SPAST: variants seen among roughly 807,000 people sequenced by gnomAD.
The protein encoded by SPAST is spastic paraplegia 4 (autosomal dominant; spastin).
Under a neutral mutation model 76.6 loss-of-function variants are expected in SPAST, and 30 were observed. That is an observed-to-expected ratio of 0.39 (90% confidence interval 0.29 to 0.53). The LOEUF (loss-of-function observed/expected upper bound fraction) is 0.53. Ranked by LOEUF, SPAST falls within the 20% of genes least tolerant of loss-of-function variation. SPAST has a pLI of 0.68. For missense variants in SPAST, 717 were observed against 770.5 expected (o/e 0.93, Z 0.82); for synonymous variants, 305 against 281.0 (o/e 1.09, Z -0.86).
chr2:32,069,573 T>C (rs1676665319), intron 1 of SPAST, among the ~76,000 whole-genome samples: 1 of 151,734 alleles, frequency 6.6e-6, no homozygotes, highest in Non-Finnish European at 1.5e-5. Flanking sequence ...TTTTTCTTTT[T>C]TGAGACAGAG....
intron 9 of SPAST, among the ~76,000 whole-genome samples, chr2:32,132,744 C>G (rs1679412109): frequency 6.6e-6 from 1 of 152,096 alleles, no homozygotes; most frequent in African/African-American, 2.4e-5. Context: ...CGCAGTGGCT[C>G]ACACCTGTGA....
chr2:32,119,797 A>T (rs1490331042), intron 7 of SPAST, among the ~76,000 whole-genome samples: 2 of 152,168 alleles, frequency 1.3e-5, no homozygotes, highest in Admixed American at 1.3e-4. Flanking sequence ...ATCTGTCTAA[A>T]TATTTTTCTC....
intron 1 of SPAST, among the ~76,000 whole-genome samples, chr2:32,067,057 A>AT (rs954783788): frequency 2.0e-5 from 3 of 151,284 alleles, no homozygotes; most frequent in African/African-American, 7.3e-5. Flanking sequence ...ATGCAAGGAA[A>AT]TTTTTTTTAT....
chr2:32,137,100 T>C lies in SPAST; in HGVS notation c.1414-9T>C, dbSNP rs752479378. On this transcript the variant is annotated splice_polypyrimidine_tract_variant and intron_variant, in intron 11 of 16. Transcript: ENST00000315285. The stretch of plus-strand genomic sequence containing the variant: ...CTAAATGAATTGAAAAAAGATTTTT[T>C]GCTTGTAGGTACAGTCTGCTGGAGA... The C allele has an allele frequency of 1.9e-6, 3 of 1,612,260 alleles. No homozygotes were observed. The highest frequency in any genetic ancestry group is 2.5e-6 in the Non-Finnish European group (3 of 1,178,358).
chr2:32,108,703 A>G (rs1184405638), intron 4 of SPAST, among the ~76,000 whole-genome samples: 1 of 147,926 alleles, frequency 6.8e-6, no homozygotes, highest in Non-Finnish European at 1.5e-5. Context: ...CTGCCGCCTC[A>G]GACTCCCAGA....
intron 5 of SPAST, 131 bp downstream of exon 5, chr2:32,114,956 A>AGTT: frequency 1.8e-6 from 1 of 556,034 alleles, no homozygotes; most frequent in Non-Finnish European, 2.9e-6. Flanking sequence ...CATAAAGTTA[A>AGTT]ATTTTTTTTT....
intron 7 of SPAST, among the ~76,000 whole-genome samples, chr2:32,121,912 A>G (rs1009252112): frequency 6.6e-6 from 1 of 152,050 alleles, no homozygotes; most frequent in African/African-American, 2.4e-5. Flanking sequence ...TCTTTTGTTT[A>G]CTTTATTATC....
intron 12 of SPAST, among the ~76,000 whole-genome samples, chr2:32,139,215 A>T (rs1018039345): frequency 1.3e-5 from 2 of 152,170 alleles, no homozygotes; most frequent in African/African-American, 4.8e-5. Context: ...AGTTTGATAG[A>T]AATACCATTG....
chr2:32,117,944 T>G (rs1230439652), intron 7 of SPAST, among the ~76,000 whole-genome samples: 1 of 152,198 alleles, frequency 6.6e-6, no homozygotes, highest in Non-Finnish European at 1.5e-5. Context: ...TTATGACTTA[T>G]TAAGGAAGAT....
rs139607851 is a variant in SPAST at position 32,076,390 on chromosome 2, A to T, written c.416-11102A>T. Reference sequence around the variant, plus strand: ...ATCTTTTTACTAAATGTTTTATTAAATTTTTTTTTCTTGTAGACACAGGGT... The same window carrying T: ...ATCTTTTTACTAAATGTTTTATTAATTTTTTTTTTCTTGTAGACACAGGGT... On this transcript the variant is annotated intron_variant, in intron 1 of 16. Coordinates refer to ENST00000315285, the MANE Select transcript of SPAST (RefSeq NM_014946.4). 2.7e-3 allele frequency among the ~76,000 whole-genome samples: 407 copies of T among 151,678 alleles called. 1 individual carries two copies. The highest frequency in any genetic ancestry group is 7.2e-3 in the Admixed American group (110 of 15,218).
rs940748715 is a variant in SPAST, at chr2:32,064,246, G to C, written c.415G>C (p.Ala139Pro). The C allele has an allele frequency of 2.0e-6, 3 of 1,535,430 alleles. No homozygotes were observed. The highest frequency in any genetic ancestry group is 2.6e-6 in the Non-Finnish European group (3 of 1,139,096). ...CCTGCGCATCGATGAGGATGAGAAA[G>C]GTAACTAGGGGGCTGGGGGAGGGGG... ...IALRIDEDEK[A>P]GQKEQAVEWY... Residue 139 changes from alanine to proline, a missense_variant and splice_region_variant, in exon 1 of 17, where the codon GCA (alanine) becomes CCA (proline). By Grantham distance (27) the Ala-to-Pro change is conservative. Around this residue, in one of 3 missense-constraint regions of SPAST, gnomAD observed 543 missense variants for 445.2 expected, o/e 1.22. Coordinates refer to ENST00000315285, the MANE Select transcript of SPAST (RefSeq NM_014946.4).
chr2:32,078,201 G>A (rs902912601), intron 1 of SPAST, among the ~76,000 whole-genome samples: 3 of 152,002 alleles, frequency 2.0e-5, no homozygotes, highest in South Asian at 4.1e-4. Context: ...CGTTTTAGCC[G>A]GGATGGTCTC....
In SPAST at chr2:32,091,411, G is replaced by C. The variant is rs1156423167; in HGVS notation, c.586+1806G>C. Among the ~76,000 whole-genome samples, 4 of 151,136 alleles carry C rather than the reference G, an allele frequency of 2.6e-5. No homozygotes were observed. The East Asian group carries it at 8.0e-4, about 30-fold the overall frequency. On this transcript the variant is annotated intron_variant, in intron 3 of 16. Coordinates refer to ENST00000315285, the MANE Select transcript of SPAST (RefSeq NM_014946.4). ...TTCTCGTGATTCAGTCTCCCGAGTA[G>C]CTAGGATTACAGGGGCCTACCACCA...
intron 1 of SPAST, among the ~76,000 whole-genome samples, chr2:32,087,106 C>T (rs1677512821): frequency 6.6e-6 from 1 of 152,116 alleles, no homozygotes; most frequent in African/African-American, 2.4e-5. Flanking sequence ...CACATTATAT[C>T]AGATTTGAAT....
rs1041662261 is a variant in SPAST at position 32,063,944 on chromosome 2, C to T, written c.113C>T (p.Pro38Leu). The change falls in exon 1 of 17, where the codon CCG becomes CTG. Residue 38 changes from proline to leucine, a missense_variant. By Grantham distance (98) the Pro-to-Leu change is moderately conservative (BLOSUM62 -3). Transcript: ENST00000315285. ...CLAPAPPAAGPAPPPESPHKR... is the reference protein window; with the variant it reads ...CLAPAPPAAGLAPPPESPHKR... ...GCCCCCGCCCCTCCCGCCGCCGGGCCGGCCCCTCCGCCCGAGTCGCCGCAT... is the reference window on the plus strand; with the variant it reads ...GCCCCCGCCCCTCCCGCCGCCGGGCTGGCCCCTCCGCCCGAGTCGCCGCAT... The T allele has an allele frequency of 3.7e-6, 6 of 1,608,664 alleles. No homozygotes were observed. The highest frequency in any genetic ancestry group is 1.3e-5 in the African/African-American group (1 of 74,894).
At chr2:32,130,970 T>C (rs894319440) in intron 9 of SPAST, among the ~76,000 whole-genome samples, 4 of 152,216 alleles carry the variant, frequency 2.6e-5, no homozygotes, top group East Asian at 1.9e-4. Flanking sequence ...GGGAAACTTA[T>C]TTGTAAGGTT....
intron 1 of SPAST, among the ~76,000 whole-genome samples, chr2:32,074,385 C>A (rs1010827210): frequency 5.9e-5 from 9 of 152,116 alleles, no homozygotes; most frequent in African/African-American, 2.2e-4. Context: ...ACCGTGGTCA[C>A]AGAGTGGCAT....
chr2:32,110,157 C>A (rs1474077510), intron 4 of SPAST, among the ~76,000 whole-genome samples: 1 of 135,176 alleles, frequency 7.4e-6, no homozygotes, highest in Non-Finnish European at 1.5e-5. Flanking sequence ...CTTGCCCTGT[C>A]CCCCAGGCTG....
intron 12 of SPAST, among the ~76,000 whole-genome samples, chr2:32,137,941 A>G (rs1215376739): frequency 2.0e-5 from 3 of 152,310 alleles, no homozygotes; most frequent in East Asian, 3.9e-4. Context: ...TAATTGGCGT[A>G]GTATTAAGGC....
Sources: allele counts gnomAD v4.1 joint callset (sites outside exome capture counted in the v4.1 genomes callset), GRCh38; gene constraint gnomAD v4.1.1; regional missense constraint gnomAD v4.1.1; transcripts MANE v1.5; gene names NCBI Gene and HGNC (gene_info 2026-07-23, HGNC 2026-07-21).